SMG6: variants seen among roughly 807,000 people sequenced by gnomAD.
The protein encoded by SMG6 is SMG6 nonsense mediated mRNA decay factor, also known as telomerase-binding protein EST1A.
In SMG6, 66 loss-of-function variants were observed where a neutral mutation model predicts 142.2. The ratio of observed to expected loss-of-function variants is 0.46; its 90% CI spans 0.38 to 0.57. The LOEUF is 0.57. SMG6 is among the 20% of genes least tolerant of loss of function. SMG6 has a pLI of 0.00. For missense variants in SMG6, 1,793 were observed against 1,832.0 expected, an observed-to-expected ratio of 0.98 and a Z score of 0.39; for synonymous variants, 779 against 702.4, an observed-to-expected ratio of 1.11 and a Z score of -1.72.
At chr17:2,063,755 T>C (rs899070993) in intron 18 of SMG6, among the ~76,000 whole-genome samples, 2 of 150,286 alleles carry the variant, frequency 1.3e-5, no homozygotes, top group African/African-American at 4.9e-5. Flanking sequence ...GCTTGTGGGG[T>C]TGGTGGTGGC....
chr17:2,251,029 C>T (rs2074034867), intron 8 of SMG6, among the ~76,000 whole-genome samples: 1 of 151,952 alleles, frequency 6.6e-6, no homozygotes, highest in Admixed American at 6.6e-5. Context: ...GCCCACTGGC[C>T]ATTTATGCTC....
chr17:2,064,908 G>A (rs1422479287), intron 18 of SMG6, among the ~76,000 whole-genome samples, 165 bp downstream of exon 18: 1 of 151,662 alleles, frequency 6.6e-6, no homozygotes, highest in African/African-American at 2.4e-5. Context: ...GGGGCTGGGG[G>A]AGCCAGGACA....
chr17:2,130,266 C>CAAAAAAAAAAAA (rs903007543), intron 13 of SMG6, among the ~76,000 whole-genome samples: 1,211 of 39,208 alleles, frequency 0.031, 182 homozygotes, highest in African/African-American at 0.098. Flanking sequence ...GACTCCGTCT[C>CAAAAAAAAAAAA]AAAAAAAAAA....
chr17:2,120,440 A>G (rs2069652042), intron 13 of SMG6, among the ~76,000 whole-genome samples: 1 of 152,332 alleles, frequency 6.6e-6, no homozygotes. Flanking sequence ...AAAAGTATAC[A>G]ACTTCAGCTG....
chr17:2,109,270 CTT>C (rs752516056), intron 13 of SMG6, among the ~76,000 whole-genome samples: 1 of 147,556 alleles, frequency 6.8e-6, no homozygotes, highest in East Asian at 2.0e-4. Flanking sequence ...ATATGTCTCT[CTT>C]TTTTTTTTTG....
intron 8 of SMG6, among the ~76,000 whole-genome samples, chr17:2,252,113 A>G (rs956413083): frequency 1.3e-5 from 2 of 148,446 alleles, no homozygotes; most frequent in Non-Finnish European, 3.0e-5. Flanking sequence ...AAAAAAAAGG[A>G]AAAAAAAGAA....
At chr17:2,124,300 C>T (rs1244347499) in intron 13 of SMG6, among the ~76,000 whole-genome samples, 1 of 152,360 alleles carries the variant, frequency 6.6e-6, no homozygotes, top group South Asian at 2.1e-4. Context: ...GGGTGGGGTA[C>T]AGGCCACAGG....
chr17:2,099,918 A>C (rs2068959281), intron 13 of SMG6, among the ~76,000 whole-genome samples: 2 of 152,168 alleles, frequency 1.3e-5, no homozygotes, highest in South Asian at 4.1e-4. Context: ...GCTGGAGTGC[A>C]GTGGTGAGAT....
chr17:2,183,913 A>G (rs1305303970), intron 12 of SMG6, among the ~76,000 whole-genome samples: 1 of 152,174 alleles, frequency 6.6e-6, no homozygotes, highest in South Asian at 2.1e-4. Context: ...GAAGACCCAC[A>G]TACACAGAAA....
At chr17:2,285,384 T>A (rs2151383019) in intron 6 of SMG6, among the ~76,000 whole-genome samples, 1 of 152,168 alleles carries the variant, frequency 6.6e-6, no homozygotes, top group South Asian at 2.1e-4. Flanking sequence ...TTGAAGAAAG[T>A]GCGAATCTAG....
intron 10 of SMG6, among the ~76,000 whole-genome samples, chr17:2,224,665 G>A (rs2073265784): frequency 9.8e-6 from 1 of 101,928 alleles, no homozygotes; most frequent in Non-Finnish European, 1.9e-5. Context: ...AAAGCATGGG[G>A]AGATGCAGTC....
At chr17:2,292,038 C>T (rs2151395525) in intron 6 of SMG6, among the ~76,000 whole-genome samples, 1 of 152,130 alleles carries the variant, frequency 6.6e-6, no homozygotes, top group South Asian at 2.1e-4. Flanking sequence ...ATTTAGAGCA[C>T]AGTGATTAGA....
intron 8 of SMG6, among the ~76,000 whole-genome samples, chr17:2,257,552 G>C (rs1045544756): frequency 3.3e-5 from 5 of 152,096 alleles, no homozygotes; most frequent in African/African-American, 1.2e-4. Flanking sequence ...TGGGCAAAAA[G>C]AGACTACACT....
intron 15 of SMG6, among the ~76,000 whole-genome samples, chr17:2,074,825 G>A (rs566635214): frequency 5.2e-4 from 79 of 152,366 alleles, no homozygotes; most frequent in African/African-American, 1.9e-3. Flanking sequence ...AGCCAAAGAA[G>A]CAGGCAGGCC....
At chr17:2,145,641 C>CAA (rs2070643981) in intron 13 of SMG6, among the ~76,000 whole-genome samples, 1 of 73,214 alleles carries the variant, frequency 1.4e-5, no homozygotes, top group African/African-American at 5.3e-5. Context: ...GCTCCATCTC[C>CAA]CCAAAAAAAA....
intron 14 of SMG6, among the ~76,000 whole-genome samples, chr17:2,084,099 C>G (rs2068493233): frequency 6.6e-6 from 1 of 152,246 alleles, no homozygotes; most frequent in Non-Finnish European, 1.5e-5. Context: ...CTGTGGCCCT[C>G]TCTGGGCCTC....
chr17:2,286,942 T>C (rs1259038707), intron 6 of SMG6, among the ~76,000 whole-genome samples: 1 of 144,878 alleles, frequency 6.9e-6, no homozygotes, highest in Non-Finnish European at 1.5e-5. Context: ...TTTTTTTTTT[T>C]TTTTTTTGAG....
At chr17:2,099,185 C>A (rs1167116919) in intron 13 of SMG6, among the ~76,000 whole-genome samples, 2 of 151,996 alleles carry the variant, frequency 1.3e-5, no homozygotes, top group African/African-American at 4.8e-5. Flanking sequence ...GGAGGTGGTG[C>A]GGCCATACTG....
intron 13 of SMG6, among the ~76,000 whole-genome samples, chr17:2,096,050 G>A (rs76839366): frequency 0.061 from 9,284 of 152,104 alleles, 507 homozygotes; most frequent in African/African-American, 0.15. Context: ...TTTAAGCTTG[G>A]TAAGGTCTTT....
Sources: allele counts gnomAD v4.1 joint callset (sites outside exome capture counted in the v4.1 genomes callset), GRCh38; gene constraint gnomAD v4.1.1; transcripts MANE v1.5; gene names NCBI Gene and HGNC (gene_info 2026-07-23, HGNC 2026-07-21).